The following PCDH11Y variants were observed in gnomAD, a reference collection of about 807,000 sequenced individuals.
PCDH11Y encodes protocadherin 11 Y-linked.
For missense variants in PCDH11Y, 12 were observed against 224.8 expected (o/e 0.05, Z 6.05); for synonymous variants, 9 against 83.6 (o/e 0.11, Z 4.87).
chrY:5,285,878 T>G, intron 2 of PCDH11Y, among the ~76,000 whole-genome samples: 1 of 33,815 alleles, frequency 3.0e-5, no homozygotes. Context: ...GTTGATAGTT[T>G]CTTTTTGCTG....
chrY:5,142,604 G>A, intron 2 of PCDH11Y, among the ~76,000 whole-genome samples: 1 of 33,320 alleles, frequency 3.0e-5, no homozygotes, highest in Non-Finnish European at 7.5e-5. Context: ...CTGCTCAGGT[G>A]CAGATGAAAA....
At chrY:5,329,425 G>T in intron 2 of PCDH11Y, among the ~76,000 whole-genome samples, 4 of 32,248 alleles carry the variant, frequency 1.2e-4, no homozygotes, top group Admixed American at 2.8e-4. Flanking sequence ...GGAAATAAGC[G>T]ATTGGGGGGT....
intron 1 of PCDH11Y, among the ~76,000 whole-genome samples, chrY:5,080,651 G>C: frequency 3.1e-5 from 1 of 31,815 alleles, no homozygotes. Context: ...TTTTCCATAT[G>C]TTTTCTGGTC....
At chrY:5,236,151 A>G in intron 2 of PCDH11Y, among the ~76,000 whole-genome samples, 1 of 33,034 alleles carries the variant, frequency 3.0e-5, no homozygotes, top group Non-Finnish European at 7.5e-5. Context: ...TATGGCCTTG[A>G]ACGATTTTAC....
intron 3 of PCDH11Y, among the ~76,000 whole-genome samples, chrY:5,524,725 C>T: frequency 3.1e-5 from 1 of 31,995 alleles, no homozygotes; most frequent in Non-Finnish European, 7.6e-5. Flanking sequence ...TTTTTTCCCA[C>T]CAACCCCCCA....
chrY:5,429,003 G>A (rs2053265999), intron 2 of PCDH11Y, among the ~76,000 whole-genome samples: 2 of 33,289 alleles, frequency 6.0e-5, no homozygotes, highest in South Asian at 1.3e-3. Context: ...CAGTAAGATT[G>A]TTTTCTAGTC....
chrY:5,303,074 C>G (rs2053085294), intron 2 of PCDH11Y, among the ~76,000 whole-genome samples: 1 of 32,745 alleles, frequency 3.1e-5, no homozygotes, highest in Non-Finnish European at 7.5e-5. Context: ...ATCTTCAAGT[C>G]ATTTTAAGAG....
chrY:5,516,624 T>G (rs2053373036), intron 3 of PCDH11Y, among the ~76,000 whole-genome samples: 3 of 32,697 alleles, frequency 9.2e-5, no homozygotes, highest in African/African-American at 2.4e-4. Context: ...ATTTACGTTT[T>G]TTTGTTTGTT....
chrY:5,494,695 T>C, intron 2 of PCDH11Y, among the ~76,000 whole-genome samples: 1 of 32,401 alleles, frequency 3.1e-5, no homozygotes, highest in Non-Finnish European at 7.5e-5. Flanking sequence ...TAAAAAAAAA[T>C]AGCCATGAAG....
chrY:5,256,659 G>C, intron 2 of PCDH11Y, among the ~76,000 whole-genome samples: 1 of 33,221 alleles, frequency 3.0e-5, no homozygotes, highest in African/African-American at 1.2e-4. Flanking sequence ...AACAATATTC[G>C]TTCTTCCAAT....
intron 2 of PCDH11Y, among the ~76,000 whole-genome samples, chrY:5,385,945 C>T: frequency 3.0e-5 from 1 of 33,129 alleles, no homozygotes; most frequent in Non-Finnish European, 7.4e-5. Context: ...GATTTTCTCC[C>T]ACTCTGTAAG....
At chrY:5,178,452 G>C in intron 2 of PCDH11Y, among the ~76,000 whole-genome samples, 1 of 32,656 alleles carries the variant, frequency 3.1e-5, no homozygotes, top group Non-Finnish European at 7.5e-5. Flanking sequence ...AGGTCTAGAA[G>C]TCAGAGAGTT....
rs2052924590 is a variant in PCDH11Y at position 5,199,380 on chromosome Y, C to T, written c.3129+98673C>T. The stretch of plus-strand genomic sequence containing the variant: ...TCGGCTCACTGCAACCTCCACCTCC[C>T]GGGTTCAATTGATTCTCCTGCCTCA... On this transcript the variant is annotated intron_variant, in intron 2 of 4. Coordinates refer to the PCDH11Y transcript ENST00000400457. Among the ~76,000 whole-genome samples, 45 of 31,222 alleles carry T rather than the reference C, an allele frequency of 1.4e-3. No individual in the cohort carries two copies. In the South Asian group the frequency reaches 0.027, roughly 19 times the overall value. 83.8% of individuals were successfully genotyped at this position (31,222 alleles called of 37,273 possible).
intron 2 of PCDH11Y, among the ~76,000 whole-genome samples, chrY:5,032,392 T>C: frequency 8.9e-5 from 3 of 33,565 alleles, no homozygotes. Flanking sequence ...AGGGTGTTTT[T>C]ATTTAAGCTT....
At chrY:5,023,869 A>C in intron 1 of PCDH11Y, among the ~76,000 whole-genome samples, 1 of 32,875 alleles carries the variant, frequency 3.0e-5, no homozygotes, top group Non-Finnish European at 7.5e-5. Context: ...ACAGCTCTCA[A>C]ATAAGAAATT....
chrY:5,639,860 A>G (rs2053521728), intron 4 of PCDH11Y, among the ~76,000 whole-genome samples: 1 of 30,357 alleles, frequency 3.3e-5, no homozygotes, highest in East Asian at 8.7e-4. Flanking sequence ...TGCTGCATCA[A>G]TTGACTCTTC....
intron 2 of PCDH11Y, among the ~76,000 whole-genome samples, chrY:5,298,472 C>A: frequency 3.0e-5 from 1 of 33,475 alleles, no homozygotes. Flanking sequence ...TTAGACTCAT[C>A]CAGGTAGGAT....
chrY:5,696,388 A>C, intron 4 of PCDH11Y, among the ~76,000 whole-genome samples: 1 of 32,243 alleles, frequency 3.1e-5, no homozygotes, highest in African/African-American at 1.2e-4. Context: ...AGATTTTTCT[A>C]GTTTATGTGC....
chrY:5,456,430 GA>G (rs2053298342), intron 2 of PCDH11Y, among the ~76,000 whole-genome samples: 1 of 32,779 alleles, frequency 3.1e-5, no homozygotes, highest in Non-Finnish European at 7.5e-5. Flanking sequence ...AACAACAAAT[GA>G]AAAAAAGAAA....
Sources: allele counts gnomAD v4.1 joint callset (sites outside exome capture counted in the v4.1 genomes callset), GRCh38; gene constraint gnomAD v4.1.1; transcripts MANE v1.5; gene names NCBI Gene and HGNC (gene_info 2026-07-23, HGNC 2026-07-21).